Variants in ZDHHC9 observed in about 807,000 individuals in gnomAD.
ZDHHC9 encodes the protein zDHHC palmitoyltransferase 9.
A neutral mutation model predicts 26.6 loss-of-function variants in ZDHHC9; 3 were observed. That is an observed-to-expected ratio of 0.11 (90% CI 0.05 to 0.29). The LOEUF (loss-of-function observed/expected upper bound fraction) is 0.29. Ranked by LOEUF, ZDHHC9 falls within the 10% of genes least tolerant of loss-of-function variation. The pLI is 1.00. For synonymous variants in ZDHHC9, 111 were observed against 109.4 expected, an observed-to-expected ratio of 1.01 and a Z score of -0.09; for missense variants, 146 against 296.4, an observed-to-expected ratio of 0.49 and a Z score of 3.73.
chrX:129,814,814 G>A lies in ZDHHC9; in HGVS notation c.488-19C>T, dbSNP rs752687711. 4 of 1,210,431 alleles carry A rather than the reference G, an allele frequency of 3.3e-6. No homozygotes were observed. In the East Asian group the frequency reaches 8.9e-5, roughly 27 times the overall value. On this transcript the variant is annotated intron_variant, in intron 5 of 10. Transcript: ENST00000357166. The stretch of plus-strand genomic sequence containing the variant: ...AAGCGCTCTGTGGGAGAAAGAGAGA[G>A]TCCAAAGCCAAAAGCCTCCAGAACA...
At chrX:129,811,577 T>A in intron 8 of ZDHHC9, 68 bp from the exon 9 acceptor site, 1 of 854,014 alleles carries the variant, frequency 1.2e-6, no homozygotes, top group African/African-American at 2.0e-5. Flanking sequence ...ATAATAAAAT[T>A]AAAAACAGAC....
chrX:129,829,287 A>G, intron 3 of ZDHHC9, 146 bp from the exon 4 acceptor site: 1 of 661,859 alleles, frequency 1.5e-6, no homozygotes, highest in South Asian at 2.4e-5. Flanking sequence ...ATTACCCCAA[A>G]CCCCTAACAT....
intron 4 of ZDHHC9, among the ~76,000 whole-genome samples, chrX:129,826,748 TTCC>T (rs1245992587): frequency 8.9e-6 from 1 of 111,780 alleles, no homozygotes; most frequent in Non-Finnish European, 1.9e-5. Context: ...CTCTGCTCTC[TTCC>T]CACTATCCCC....
chrX:129,841,926 C>G lies in ZDHHC9; in HGVS notation c.20G>C (p.Arg7Thr), dbSNP rs1488428088. Residue 7 changes from arginine (R) to threonine (T), a missense_variant, in exon 3 of 11, where the codon AGA becomes ACA. By Grantham distance (71) the Arg-to-Thr change is moderately conservative (BLOSUM62 -1). Transcript: ENST00000357166. ...CTCCCATTTCCGTGTCACCTTCTTT[C>G]TCACCACCATCACAGACATGATTGG... MSVMVV[R>T]KKVTRKWEKL... The G allele has an allele frequency of 8.3e-7, 1 of 1,209,591 alleles. No individual in the cohort carries two copies. The highest frequency in any genetic ancestry group is 1.1e-6 in the Non-Finnish European group (1 of 895,140).
intron 4 of ZDHHC9, among the ~76,000 whole-genome samples, chrX:129,826,683 T>C (rs763613636): frequency 2.7e-4 from 30 of 111,519 alleles, no homozygotes; most frequent in Admixed American, 6.7e-4. Flanking sequence ...TGCTCCTAAC[T>C]ACTCCTAGTT....
intron 5 of ZDHHC9, among the ~76,000 whole-genome samples, chrX:129,816,388 C>T (rs140200689): frequency 4.1e-3 from 448 of 109,690 alleles, no homozygotes; most frequent in Non-Finnish European, 7.4e-3. Flanking sequence ...ATTTTGGATC[C>T]GCATTTGGTT....
At chrX:129,825,579 T>C (rs968863656) in intron 4 of ZDHHC9, among the ~76,000 whole-genome samples, 5 of 111,566 alleles carry the variant, frequency 4.5e-5, no homozygotes, top group African/African-American at 1.6e-4. Flanking sequence ...ATATTCCATA[T>C]TGTTGGGATT....
At chrX:129,821,378 C>T (rs183013151) in intron 5 of ZDHHC9, among the ~76,000 whole-genome samples, 31 of 106,804 alleles carry the variant, frequency 2.9e-4, no homozygotes, top group African/African-American at 7.2e-4. Flanking sequence ...CTACAACCTC[C>T]GCCTCCCGGG....
intron 3 of ZDHHC9, among the ~76,000 whole-genome samples, chrX:129,836,968 A>G (rs1928275439): frequency 8.9e-6 from 1 of 112,160 alleles, no homozygotes; most frequent in South Asian, 3.6e-4. Context: ...AGGATTCCAT[A>G]GCCAAAGGGT....
intron 3 of ZDHHC9, among the ~76,000 whole-genome samples, chrX:129,836,988 C>A (rs1413983305): frequency 3.6e-5 from 4 of 111,833 alleles, no homozygotes; most frequent in Non-Finnish European, 7.5e-5. Context: ...TAACAATGAA[C>A]AATGAGATAA....
intron 3 of ZDHHC9, among the ~76,000 whole-genome samples, chrX:129,833,136 G>C (rs1242148112): frequency 9.0e-6 from 1 of 111,512 alleles, no homozygotes; most frequent in Non-Finnish European, 1.9e-5. Flanking sequence ...CTGGGGATTA[G>C]AGTTCCTTTT....
intron 3 of ZDHHC9, 116 bp downstream of exon 3, chrX:129,841,663 C>A (rs1192166351): frequency 8.8e-6 from 8 of 905,538 alleles, no homozygotes; most frequent in Non-Finnish European, 1.3e-5. Context: ...CTACAGACAT[C>A]GCTCAAGAGG....
At chrX:129,839,211 CCTCA>C (rs1263667551) in intron 3 of ZDHHC9, among the ~76,000 whole-genome samples, 4 of 109,621 alleles carry the variant, frequency 3.6e-5, no homozygotes, top group Non-Finnish European at 3.8e-5. Context: ...TTTCCTGAGG[CCTCA>C]CTAAGTTCTT....
At chrX:129,824,465 T>C (rs1035959583) in intron 4 of ZDHHC9, among the ~76,000 whole-genome samples, 1 of 110,735 alleles carries the variant, frequency 9.0e-6, no homozygotes, top group Non-Finnish European at 1.9e-5. Context: ...GATTTTTGTA[T>C]TTTTAATAGA....
Position 129,841,802 on chromosome X carries a change from T to A in ZDHHC9, c.144A>T (p.Thr48=), listed in dbSNP as rs145877196. 2.0e-4 allele frequency: 247 copies of A among 1,210,030 alleles called. No individual in the cohort carries two copies. The highest frequency in any genetic ancestry group is 2.6e-4 in the Non-Finnish European group (236 of 895,267). ...ACTCAAAGGCGAAGAAGAGTGTACA[T>A]GTCCCCAGGATGAGGAAAAGGGTCA... ...FYLTLFLILG[T]CTLFFAFECR... is the part of the protein sequence containing the mutation. The change falls in exon 3 of 11, where the codon ACA becomes ACT. Residue 48 remains threonine, a synonymous_variant. Transcript: ENST00000357166.
chrX:129,825,357 T>C (rs1446579972), intron 4 of ZDHHC9, among the ~76,000 whole-genome samples: 2 of 111,968 alleles, frequency 1.8e-5, no homozygotes. Context: ...CAGAGATATT[T>C]ATATTTTTTG....
intron 5 of ZDHHC9, among the ~76,000 whole-genome samples, chrX:129,816,221 T>C (rs1415921454): frequency 9.0e-6 from 1 of 111,641 alleles, no homozygotes; most frequent in Non-Finnish European, 1.9e-5. Context: ...AAAAATACGG[T>C]ATTCACAAAA....
chrX:129,810,576 C>T (rs1165862185), intron 10 of ZDHHC9, among the ~76,000 whole-genome samples: 2 of 111,089 alleles, frequency 1.8e-5, no homozygotes, highest in African/African-American at 6.6e-5. Flanking sequence ...AGGCACTTTT[C>T]ACAATGTTGA....
At chrX:129,811,742 C>T (rs748614789) in intron 8 of ZDHHC9, among the ~76,000 whole-genome samples, 6 of 111,136 alleles carry the variant, frequency 5.4e-5, no homozygotes, top group Non-Finnish European at 1.1e-4. Context: ...GCTGCAACAA[C>T]TGTCACCCCA....
Sources: gnomAD v4.1 joint callset for allele counts (sites outside exome capture counted in the v4.1 genomes callset) on GRCh38, gnomAD v4.1.1 for gene constraint, MANE v1.5 for transcripts, NCBI Gene and HGNC (gene_info 2026-07-23, HGNC 2026-07-21) for gene names.